The following ROBO2 variants were observed in gnomAD, a reference collection of about 807,000 sequenced individuals.
The protein encoded by ROBO2 is roundabout guidance receptor 2.
A neutral mutation model predicts 160.8 loss-of-function variants in ROBO2; 53 were observed. The observed-to-expected ratio is 0.33, with a 90% CI of 0.26 to 0.41. The LOEUF is 0.41. Among genes scored for constraint, ROBO2 ranks in the 10% least tolerant of loss-of-function variants. The probability of loss-of-function intolerance (pLI) is 1.00; values close to 1 mark genes in which losing one functional copy is unlikely to be tolerated. For synonymous variants in ROBO2, 664 were observed against 611.7 expected, an observed-to-expected ratio of 1.09 and a Z score of -1.26; for missense variants, 1,577 against 1,722.4, an observed-to-expected ratio of 0.92 and a Z score of 1.49.
At chr3:76,587,482 C>T (rs1293532370) in intron 2 of ROBO2, among the ~76,000 whole-genome samples, 1 of 152,128 alleles carries the variant, frequency 6.6e-6, no homozygotes, top group Non-Finnish European at 1.5e-5. Flanking sequence ...ACCTTCCTCA[C>T]ATGCCAGCAG....
chr3:76,854,149 A>AAAATATAC (rs2069780484), intron 2 of ROBO2, among the ~76,000 whole-genome samples: 1 of 151,414 alleles, frequency 6.6e-6, no homozygotes, highest in African/African-American at 2.4e-5. Context: ...TTTAAATTTA[A>AAAATATAC]AAATATACCT....
At chr3:76,305,858 C>T (rs1576336230) in intron 2 of ROBO2, among the ~76,000 whole-genome samples, 2 of 150,082 alleles carry the variant, frequency 1.3e-5, no homozygotes, top group Non-Finnish European at 1.5e-5. Flanking sequence ...AAAAAAAAAA[C>T]AAAAAAACAT....
intron 2 of ROBO2, among the ~76,000 whole-genome samples, chr3:76,487,987 A>G (rs3849501): frequency 0.35 from 52,623 of 152,036 alleles, 9,584 homozygotes; most frequent in Non-Finnish European, 0.41. Flanking sequence ...TACCTTTGCC[A>G]TATTCTACCA....
chr3:77,076,097 T>C (rs1199003841), intron 1 of ROBO2, among the ~76,000 whole-genome samples: 2 of 152,130 alleles, frequency 1.3e-5, no homozygotes, highest in Non-Finnish European at 2.9e-5. Context: ...ACAAAGGAGA[T>C]ATTAATAGTT....
At chr3:76,185,931 CA>C (rs751872285) in intron 2 of ROBO2, among the ~76,000 whole-genome samples, 1 of 99,976 alleles carries the variant, frequency 1.0e-5, no homozygotes, top group Non-Finnish European at 2.0e-5. Flanking sequence ...TTAAAGGAAA[CA>C]CAGATTTTTT....
intron 1 of ROBO2, among the ~76,000 whole-genome samples, chr3:77,084,058 C>T (rs1274089695): frequency 6.6e-6 from 1 of 151,982 alleles, no homozygotes; most frequent in Non-Finnish European, 1.5e-5. Flanking sequence ...GAGCTGTTAA[C>T]TATTGGGTCA....
At chr3:77,642,582 A>G (rs1179629988) in intron 24 of ROBO2, 89 bp from the exon 26 acceptor site, 3 of 393,790 alleles carry the variant, frequency 7.6e-6, no homozygotes, top group Non-Finnish European at 1.5e-5. Flanking sequence ...TAATACCTGT[A>G]TAAGGGCAAA....
chr3:76,056,371 A>C (rs983726832), intron 2 of ROBO2, among the ~76,000 whole-genome samples: 2 of 152,182 alleles, frequency 1.3e-5, no homozygotes, highest in Non-Finnish European at 2.9e-5. Context: ...TATAGTTCTA[A>C]TACTAACCCT....
At chr3:76,405,454 A>T (rs1215193461) in intron 2 of ROBO2, among the ~76,000 whole-genome samples, 2 of 151,778 alleles carry the variant, frequency 1.3e-5, no homozygotes, top group Non-Finnish European at 3.0e-5. Context: ...TTGACATTGC[A>T]GAAGAAGAGT....
At chr3:76,945,679 T>G (rs148465779) in intron 2 of ROBO2, among the ~76,000 whole-genome samples, 85 of 152,314 alleles carry the variant, frequency 5.6e-4, no homozygotes, top group African/African-American at 1.9e-3. Context: ...TTAACTGCCA[T>G]GTCCTCAAGG....
At chr3:77,050,779 T>A (rs1325842815) in intron 1 of ROBO2, among the ~76,000 whole-genome samples, 1 of 150,718 alleles carries the variant, frequency 6.6e-6, no homozygotes, top group South Asian at 2.1e-4. Context: ...TTTGGGAGAC[T>A]GGGAGGATCT....
At chr3:76,487,104 G>C (rs1373718327) in intron 2 of ROBO2, among the ~76,000 whole-genome samples, 1 of 152,022 alleles carries the variant, frequency 6.6e-6, no homozygotes, top group Non-Finnish European at 1.5e-5. Context: ...CGGGTGGCTA[G>C]GACTGCAGGT....
chr3:76,062,911 A>G (rs78912885), intron 2 of ROBO2, among the ~76,000 whole-genome samples: 3,632 of 152,228 alleles, frequency 0.024, 141 homozygotes, highest in African/African-American at 0.082. Flanking sequence ...TGGAGTTAAT[A>G]TAGGAGAAAA....
rs116813548 is a variant in ROBO2, at chr3:77,202,855, C to T, written c.388+104515C>T. ...TTTTCACCTTCTCAAGATCACATGA[C>T]CAAGTTTAAGGCAAAGGCCTTAGGA... On this transcript the variant is annotated intron_variant, in intron 2 of 25. Coordinates refer to ENST00000461745, the Ensembl canonical transcript of ROBO2. Among the ~76,000 whole-genome samples, 483 of 152,276 alleles carry T rather than the reference C, an allele frequency of 3.2e-3. 1 individual carries two copies. The highest frequency in any genetic ancestry group is 0.011 in the African/African-American group (459 of 41,544).
chr3:77,447,254 G>A (rs2080627768), intron 2 of ROBO2, among the ~76,000 whole-genome samples: 1 of 152,054 alleles, frequency 6.6e-6, no homozygotes, highest in African/African-American at 2.4e-5. Context: ...GTATACACAG[G>A]AACAGTCATC....
chr3:76,519,381 G>T (rs187519308), intron 2 of ROBO2, among the ~76,000 whole-genome samples: 1 of 152,242 alleles, frequency 6.6e-6, no homozygotes, highest in African/African-American at 2.4e-5. Flanking sequence ...GCTGACTCTT[G>T]ATATCAATTA....
chr3:75,942,381 A>G (rs1353780777), intron 2 of ROBO2, among the ~76,000 whole-genome samples: 5 of 152,114 alleles, frequency 3.3e-5, no homozygotes, highest in African/African-American at 1.2e-4. Flanking sequence ...TTAAAATATC[A>G]TCAAGCTAAG....
chr3:77,323,212 A>G (rs147089435), intron 2 of ROBO2, among the ~76,000 whole-genome samples: 69 of 151,178 alleles, frequency 4.6e-4, no homozygotes, highest in African/African-American at 1.4e-3. Context: ...CACACTGACT[A>G]TCACCCATGT....
At chr3:76,600,917 A>C (rs1294552082) in intron 2 of ROBO2, among the ~76,000 whole-genome samples, 1 of 152,164 alleles carries the variant, frequency 6.6e-6, no homozygotes, top group Non-Finnish European at 1.5e-5. Flanking sequence ...GAGCCTGTAA[A>C]ATCAAAAGCA....
Sources: allele counts gnomAD v4.1 joint callset (sites outside exome capture counted in the v4.1 genomes callset), GRCh38; gene constraint gnomAD v4.1.1; transcripts MANE v1.5; gene names NCBI Gene and HGNC (gene_info 2026-07-23, HGNC 2026-07-21).